NPAS3: variants seen among roughly 807,000 people sequenced by gnomAD.
NPAS3 encodes neuronal PAS domain-containing protein 3.
In NPAS3, 14 loss-of-function variants were observed where a neutral mutation model predicts 73.1. The observed-to-expected ratio is 0.19, with a 90% confidence interval of 0.13 to 0.30. NPAS3 has a LOEUF of 0.30. Among genes scored for constraint, NPAS3 ranks in the 10% least tolerant of loss-of-function variants. The pLI, the probability that NPAS3 is intolerant of heterozygous loss-of-function variation, is 1.00. For missense variants in NPAS3, 1,096 were observed against 1,250.0 expected (o/e 0.88, Z 1.86); for synonymous variants, 620 against 541.5 (o/e 1.14, Z -2.01).
chr14:33,531,442 A>G (rs1456026845), intron 4 of NPAS3, among the ~76,000 whole-genome samples: 1 of 152,100 alleles, frequency 6.6e-6, no homozygotes, highest in Non-Finnish European at 1.5e-5. Context: ...TATAAATGGA[A>G]TGATACAGTA....
At chr14:33,540,517 C>G (rs1029808416) in intron 4 of NPAS3, among the ~76,000 whole-genome samples, 9 of 152,158 alleles carry the variant, frequency 5.9e-5, no homozygotes, top group Non-Finnish European at 7.4e-5. Context: ...AGCCACTAAG[C>G]CTTTTCCCTG....
intron 1 of NPAS3, among the ~76,000 whole-genome samples, chr14:32,963,622 C>A (rs1487108574): frequency 6.6e-6 from 1 of 152,142 alleles, no homozygotes; most frequent in African/African-American, 2.4e-5. Context: ...GACAAATAAT[C>A]CAAGAGACAG....
At chr14:33,123,867 T>TC (rs1566584672) in intron 2 of NPAS3, among the ~76,000 whole-genome samples, 64 of 147,112 alleles carry the variant, frequency 4.4e-4, no homozygotes, top group East Asian at 1.6e-3. Context: ...CTTTCTTTTT[T>TC]TTTTTTTTTT....
chr14:33,161,029 T>C lies in NPAS3; in HGVS notation c.141-54153T>C, dbSNP rs564957829. ...GTATTTTCCAAACAGTGGAGGACAA[T>C]GAAAGATAACAGATACTTTAGTATG... On this transcript the variant is annotated intron_variant, in intron 2 of 11. Coordinates refer to ENST00000356141, the Ensembl canonical transcript of NPAS3. Among the ~76,000 whole-genome samples the C allele has an allele frequency of 5.3e-5, 8 of 152,328 alleles. No homozygotes were observed. In the South Asian group the frequency reaches 6.2e-4, roughly 12 times the overall value.
At chr14:33,128,615 A>T (rs1345446001) in intron 2 of NPAS3, among the ~76,000 whole-genome samples, 1 of 152,174 alleles carries the variant, frequency 6.6e-6, no homozygotes, top group Non-Finnish European at 1.5e-5. Context: ...AAAAAACTTC[A>T]TTGTATTCCA....
At chr14:33,662,008 A>T (rs528463022) in intron 5 of NPAS3, among the ~76,000 whole-genome samples, 2 of 152,232 alleles carry the variant, frequency 1.3e-5, no homozygotes, top group African/African-American at 4.8e-5. Flanking sequence ...GTCAAAATGA[A>T]TTGGTAAATT....
At chr14:33,336,541 T>C (rs2044236117) in intron 3 of NPAS3, among the ~76,000 whole-genome samples, 1 of 152,190 alleles carries the variant, frequency 6.6e-6, no homozygotes, top group Non-Finnish European at 1.5e-5. Flanking sequence ...TTTATTCTCT[T>C]TCAGGAAATA....
chr14:33,574,734 C>A (rs1285304300), intron 5 of NPAS3, among the ~76,000 whole-genome samples: 1 of 152,012 alleles, frequency 6.6e-6, no homozygotes, highest in Non-Finnish European at 1.5e-5. Context: ...CTCATTGAAC[C>A]CAGGTCTCAG....
At chr14:33,736,981 A>C (rs1204616509) in intron 7 of NPAS3, among the ~76,000 whole-genome samples, 12 of 152,240 alleles carry the variant, frequency 7.9e-5, no homozygotes, top group South Asian at 2.1e-4. Flanking sequence ...TATAGTTCAC[A>C]TGTGTTAGCC....
intron 2 of NPAS3, among the ~76,000 whole-genome samples, chr14:33,160,666 G>A (rs1246426943): frequency 6.6e-6 from 1 of 150,914 alleles, no homozygotes; most frequent in Non-Finnish European, 1.5e-5. Flanking sequence ...AAAAGTCTGT[G>A]GTTCTGTCCA....
At chr14:33,582,039 C>T (rs1274859315) in intron 5 of NPAS3, 4 of 152,100 alleles carry the variant, frequency 2.6e-5, no homozygotes, top group Non-Finnish European at 5.9e-5. Context: ...CAAATATACT[C>T]ACGGCAAAAT....
chr14:33,547,453 C>A (rs1222347300), intron 4 of NPAS3, among the ~76,000 whole-genome samples: 1 of 152,044 alleles, frequency 6.6e-6, no homozygotes, highest in East Asian at 1.9e-4. Flanking sequence ...CATTATACAC[C>A]CCCTGAGTCA....
At chr14:33,271,096 A>G (rs2140010980) in intron 3 of NPAS3, among the ~76,000 whole-genome samples, 1 of 152,336 alleles carries the variant, frequency 6.6e-6, no homozygotes, top group African/African-American at 2.4e-5. Flanking sequence ...TAGGTTCAAC[A>G]AAGAAGTATG....
intron 5 of NPAS3, among the ~76,000 whole-genome samples, chr14:33,624,569 GTTT>G (rs11354235): frequency 7.1e-6 from 1 of 141,324 alleles, no homozygotes; most frequent in African/African-American, 2.6e-5. Context: ...GAACTATGTA[GTTT>G]TTTTTTTTTT....
chr14:33,605,393 TAA>T (rs57109563), intron 5 of NPAS3, among the ~76,000 whole-genome samples: 27,824 of 137,294 alleles, frequency 0.2, 3,218 homozygotes, highest in African/African-American at 0.32. Flanking sequence ...GCATTCAAAT[TAA>T]AAAAAAAAAA....
intron 3 of NPAS3, among the ~76,000 whole-genome samples, chr14:33,318,920 C>T (rs1418234297): frequency 6.6e-6 from 1 of 152,086 alleles, no homozygotes; most frequent in Non-Finnish European, 1.5e-5. Context: ...GTACTGTGCA[C>T]ATTAATTTTA....
intron 2 of NPAS3, among the ~76,000 whole-genome samples, chr14:33,161,041 G>C (rs2139310386): frequency 6.6e-6 from 1 of 152,144 alleles, no homozygotes; most frequent in East Asian, 1.9e-4. Flanking sequence ...AAAGATAACA[G>C]ATACTTTAGT....
In NPAS3 at chr14:33,088,052, C is replaced by T. The variant is rs150106134; in HGVS notation, c.140+32058C>T. On this transcript the variant is annotated intron_variant, in intron 2 of 11. Coordinates refer to ENST00000356141, the Ensembl canonical transcript of NPAS3. The stretch of plus-strand genomic sequence containing the variant: ...ATTACCATTTAACAATTGCCCACCA[C>T]GGTGCGGTTCCAAGATCGCGGAATA... Among the ~76,000 whole-genome samples the T allele has an allele frequency of 2.9e-3, 436 of 152,254 alleles. 3 individuals carry two copies. Among genetic ancestry groups the T allele is most frequent in the African/African-American group, 9.6e-3 (401 of 41,560 alleles).
chr14:33,031,495 T>C lies in NPAS3; in HGVS notation c.51-24410T>C, dbSNP rs138249125. Among the ~76,000 whole-genome samples, 195 of 152,198 alleles carry C rather than the reference T, an allele frequency of 1.3e-3. 1 individual carries two copies. Among genetic ancestry groups the C allele is most frequent in the East Asian group, 9.7e-3 (50 of 5,166 alleles). ...TGTTAACTCACTATGTGCTTTTCTGTTTGTTTGTTTTTTTAGAGACAGGGT... is the reference window on the plus strand; with the variant it reads ...TGTTAACTCACTATGTGCTTTTCTGCTTGTTTGTTTTTTTAGAGACAGGGT... On this transcript the variant is annotated intron_variant, in intron 1 of 11. Transcript: ENST00000356141.
Sources: gnomAD v4.1 joint callset for allele counts (sites outside exome capture counted in the v4.1 genomes callset) on GRCh38, gnomAD v4.1.1 for gene constraint, MANE v1.5 for transcripts, NCBI Gene and HGNC (gene_info 2026-07-23, HGNC 2026-07-21) for gene names.